WDR49: variants seen among roughly 807,000 people sequenced by gnomAD.
The protein encoded by WDR49 is WD repeat domain 49.
A neutral mutation model predicts 119.5 loss-of-function variants in WDR49; 107 were observed. That is an observed-to-expected ratio of 0.90 (90% CI 0.77 to 1.05). The LOEUF is 1.05. Ranked by LOEUF, WDR49 falls within the 50% of genes least tolerant of loss-of-function variation. The pLI is 0.00. For synonymous variants in WDR49, 425 were observed against 418.8 expected, an observed-to-expected ratio of 1.01 and a Z score of -0.18; for missense variants, 1,240 against 1,220.5, an observed-to-expected ratio of 1.02 and a Z score of -0.24.
rs763477226 is a variant in WDR49 at position 167,554,622 on chromosome 3, A to T, written c.1823+28T>A. 2.2e-6 allele frequency: 3 copies of T among 1,375,546 alleles called. No individual in the cohort carries two copies. In the African/African-American group the frequency reaches 4.4e-5, roughly 20 times the overall value. 85.2% of individuals were successfully genotyped at this position (1,375,546 alleles called of 1,614,324 possible). On this transcript the variant is annotated intron_variant, in intron 10 of 18. Transcript: ENST00000682715. ...ATGTTCTTTTTTCTTTTAGATTTTG[A>T]TTAAAATAAAAACATTCTCCTTTTT... is the stretch of plus-strand genomic sequence containing the variant.
upstream of WDR49, among the ~76,000 whole-genome samples, chr3:167,655,660 A>G (rs6768521): frequency 0.28 from 43,168 of 151,888 alleles, 6,582 homozygotes; most frequent in African/African-American, 0.4. Flanking sequence ...TATTTTGGGA[A>G]GCCAAGACAG....
Position 167,529,253 on chromosome 3 carries a change from G to GA in WDR49, c.2219-15dup. 4 of 1,548,602 alleles carry GA rather than the reference G, an allele frequency of 2.6e-6. No individual in the cohort carries two copies. The highest frequency in any genetic ancestry group is 1.7e-6 in the Non-Finnish European group (2 of 1,154,700). ...GGTTAGCTCCTCCTAACATGTAAGG[G>GA]AAAAATCTAACTAGAAAACTGAACA... On this transcript the variant is annotated splice_polypyrimidine_tract_variant and intron_variant, in intron 13 of 18. Coordinates refer to ENST00000682715, the MANE Select transcript of WDR49 (RefSeq NM_001366157.1).
intron 18 of WDR49, among the ~76,000 whole-genome samples, chr3:167,489,434 C>T (rs2108197063): frequency 6.6e-6 from 1 of 152,134 alleles, no homozygotes; most frequent in Non-Finnish European, 1.5e-5. Context: ...AAATTAACAT[C>T]TAGTGTTATC....
intron 5 of WDR49, among the ~76,000 whole-genome samples, chr3:167,605,787 A>G (rs1048493479): frequency 7.2e-5 from 11 of 152,216 alleles, no homozygotes; most frequent in Non-Finnish European, 1.5e-4. Context: ...TCTATATCTC[A>G]TAGGTAAAGA....
At chr3:167,490,901 TG>T (rs1220865715) in intron 18 of WDR49, among the ~76,000 whole-genome samples, 1 of 151,920 alleles carries the variant, frequency 6.6e-6, no homozygotes, top group African/African-American at 2.4e-5. Context: ...TTGCACAAAT[TG>T]TCAACTCTCC....
chr3:167,614,837 A>G (rs903343306), intron 5 of WDR49, among the ~76,000 whole-genome samples: 1 of 152,244 alleles, frequency 6.6e-6, no homozygotes, highest in Non-Finnish European at 1.5e-5. Context: ...CACCAAAAAT[A>G]TTTCATGAAG....
intron 9 of WDR49, among the ~76,000 whole-genome samples, chr3:167,557,832 G>A (rs1713028746): frequency 6.6e-6 from 1 of 151,834 alleles, no homozygotes; most frequent in African/African-American, 2.4e-5. Flanking sequence ...TCAGAATAGT[G>A]CCTGGTTCAT....
At chr3:167,631,343 C>T (rs552395713) in intron 2 of WDR49, among the ~76,000 whole-genome samples, 16 of 152,044 alleles carry the variant, frequency 1.1e-4, no homozygotes, top group African/African-American at 3.9e-4. Flanking sequence ...TCAAAAAGGA[C>T]GCTTGTTTAC....
chr3:167,535,657 A>T (rs1331593699), intron 11 of WDR49, among the ~76,000 whole-genome samples: 1 of 152,146 alleles, frequency 6.6e-6, no homozygotes, highest in African/African-American at 2.4e-5. Context: ...GGGAATGTAA[A>T]TTAGTATAGC....
chr3:167,553,698 T>C (rs1398333879), intron 10 of WDR49, among the ~76,000 whole-genome samples: 1 of 152,088 alleles, frequency 6.6e-6, no homozygotes, highest in African/African-American at 2.4e-5. Flanking sequence ...GGATCATGAA[T>C]CCTTTCAGAG....
chr3:167,602,844 A>G (rs76520252), intron 6 of WDR49, among the ~76,000 whole-genome samples: 3,964 of 152,230 alleles, frequency 0.026, 166 homozygotes, highest in East Asian at 0.17. Context: ...TACCTTTTAT[A>G]TGTTTAGATA....
At position 167,529,221 on chromosome 3, in the gene WDR49, G is replaced by T. The variant is rs1413073203; in HGVS notation, c.2237C>A (p.Ser746Ter). Residue 746 changes from serine to a stop codon, truncating the protein, a stop_gained, in exon 14 of 19, where the codon TCA becomes TAA. Transcript: ENST00000682715. LOFTEE classifies it high-confidence loss of function. ...TCTGACATAACCAGATCCTCCACAT[G>T]ATACCAGGTTAGCTCCTCCTAACAT... The part of the protein sequence containing the change: ...TAVTGGANLV[S>*]CGGSGYVRFW... 6.3e-7 allele frequency: 1 copy of T among 1,598,640 alleles called. No homozygotes were observed. The highest frequency in any genetic ancestry group is 2.2e-5 in the East Asian group (1 of 44,556).
chr3:167,587,835 G>A (rs976246549), intron 7 of WDR49, among the ~76,000 whole-genome samples: 3 of 151,938 alleles, frequency 2.0e-5, no homozygotes, highest in African/African-American at 7.3e-5. Flanking sequence ...TACAGAGTAG[G>A]TGTATATATT....
Position 167,620,489 on chromosome 3 carries a change from A to C in WDR49, c.898T>G (p.Cys300Gly). ...TCTAATATATGGCAACATTTGTGAC[A>C]TCCAGAGAGCAGCTCTGCCCAGTTA... ...TINWAELLSG[C>G]HKCCHILEHK... is the part of the protein sequence containing the mutation. Residue 300 changes from cysteine (C) to glycine (G), a missense_variant, in exon 5 of 19, where the codon TGT becomes GGT. By Grantham distance (159) the Cys-to-Gly change is radical (BLOSUM62 -3). Transcript: ENST00000682715. 7 of 1,536,190 alleles carry C rather than the reference A, an allele frequency of 4.6e-6. No homozygotes were observed. The highest frequency in any genetic ancestry group is 6.1e-6 in the Non-Finnish European group (7 of 1,146,756).
chr3:167,627,340 C>A lies in WDR49; in HGVS notation c.166-48G>T, dbSNP rs571752534. On this transcript the variant is annotated intron_variant, in intron 2 of 18. Coordinates refer to ENST00000682715, the MANE Select transcript of WDR49 (RefSeq NM_001366157.1). ...AATAATGAGACAACAGTGAAATCAT[C>A]ATATGCATGAGAGAACTGTGCTACC... 7.4e-6 allele frequency: 9 copies of A among 1,223,960 alleles called. No individual in the cohort carries two copies. The South Asian group carries it at 3.7e-4, about 51-fold the overall frequency. 75.8% of individuals were successfully genotyped at this position (1,223,960 alleles called of 1,614,324 possible).
Position 167,514,628 on chromosome 3 carries a change from G to GACACAC in WDR49, c.2774+7681_2774+7686dup, listed in dbSNP as rs59265631. On this transcript the variant is annotated intron_variant, in intron 16 of 18. Transcript: ENST00000682715. ...TCAGAGCAGAACTGAAGGAGATGCA[G>GACACAC]ACACACACACACACACACACACACA... 1.8e-3 allele frequency among the ~76,000 whole-genome samples: 253 copies of GACACAC among 141,016 alleles called. 1 individual carries two copies. The highest frequency in any genetic ancestry group is 3.5e-3 in the African/African-American group (133 of 38,180). The allele number at this position is 141,016 out of a possible 152,430, so 92.5% of individuals were successfully genotyped here.
intron 7 of WDR49, among the ~76,000 whole-genome samples, chr3:167,577,877 G>C (rs1361746006): frequency 6.6e-6 from 1 of 151,984 alleles, no homozygotes; most frequent in Non-Finnish European, 1.5e-5. Context: ...TATTGAAAAT[G>C]ATGGTTCTAT....
At position 167,602,121 on chromosome 3, in the gene WDR49, A is replaced by G; in HGVS notation, c.1275+6T>C. ...CTAAATTAATTAAAAGCACAATGTT[A>G]CTTACTTTATCCTTGGAGAAGCTGA... On this transcript the variant is annotated splice_donor_region_variant and intron_variant, in intron 7 of 18. Transcript: ENST00000682715. 6.3e-7 allele frequency: 1 copy of G among 1,582,506 alleles called. No individual in the cohort carries two copies. The highest frequency in any genetic ancestry group is 8.6e-7 in the Non-Finnish European group (1 of 1,157,106).
intron 7 of WDR49, among the ~76,000 whole-genome samples, chr3:167,592,813 G>A (rs931261134): frequency 2.0e-5 from 3 of 152,090 alleles, no homozygotes; most frequent in African/African-American, 7.2e-5. Flanking sequence ...GGAAGGTCTG[G>A]TATTGATGAA....
Sources: gnomAD v4.1 joint callset for allele counts (sites outside exome capture counted in the v4.1 genomes callset) on GRCh38, gnomAD v4.1.1 for gene constraint, MANE v1.5 for transcripts, NCBI Gene and HGNC (gene_info 2026-07-23, HGNC 2026-07-21) for gene names.